The following BCL2 variants were observed in gnomAD, a reference collection of about 807,000 sequenced individuals.
BCL2 encodes apoptosis regulator Bcl-2.
Under a neutral mutation model 14.2 loss-of-function variants are expected in BCL2, and 1 was observed. That is an observed-to-expected ratio of 0.07 (90% CI 0.02 to 0.33). BCL2 has a LOEUF of 0.33. Ranked by LOEUF, BCL2 falls within the 10% of genes least tolerant of loss-of-function variation. The pLI, the probability that BCL2 is intolerant of heterozygous loss-of-function variation, is 0.99. For missense variants in BCL2, 247 were observed against 305.9 expected, an observed-to-expected ratio of 0.81 and a Z score of 1.44; for synonymous variants, 151 against 137.2, an observed-to-expected ratio of 1.10 and a Z score of -0.70.
intron 2 of BCL2, among the ~76,000 whole-genome samples, chr18:63,153,627 G>C (rs1914704684): frequency 2.0e-5 from 3 of 152,218 alleles, no homozygotes; most frequent in African/African-American, 7.2e-5. Context: ...CCTGGAAGTA[G>C]AGTTCTGGAG....
chr18:63,260,329 C>T (rs1280970044), intron 2 of BCL2, among the ~76,000 whole-genome samples: 2 of 152,176 alleles, frequency 1.3e-5, no homozygotes, highest in African/African-American at 4.8e-5. Context: ...AGCAACATAA[C>T]CAAAAACATG....
chr18:63,292,975 C>T (rs948427739), intron 2 of BCL2, among the ~76,000 whole-genome samples: 22 of 152,226 alleles, frequency 1.4e-4, no homozygotes, highest in Non-Finnish European at 2.6e-4. Flanking sequence ...CTGGTGGCCG[C>T]TGGACCCTCA....
intron 2 of BCL2, among the ~76,000 whole-genome samples, chr18:63,294,763 AT>A (rs1203143193): frequency 6.6e-6 from 1 of 152,226 alleles, no homozygotes; most frequent in Non-Finnish European, 1.5e-5. Flanking sequence ...GACAGGGAAA[AT>A]CCTTCTAAAC....
intron 2 of BCL2, among the ~76,000 whole-genome samples, chr18:63,184,420 G>A (rs1915545197): frequency 6.6e-6 from 1 of 152,202 alleles, no homozygotes; most frequent in Non-Finnish European, 1.5e-5. Context: ...CACCTATATA[G>A]TTGGCTTTTA....
At chr18:63,312,744 C>T (rs1297291517) in intron 2 of BCL2, among the ~76,000 whole-genome samples, 4 of 152,188 alleles carry the variant, frequency 2.6e-5, no homozygotes, top group African/African-American at 9.6e-5. Flanking sequence ...TTTTGGCATA[C>T]AAGAGTTATT....
chr18:63,228,866 G>C lies in BCL2; in HGVS notation c.585+89216C>G, dbSNP rs113062740. The stretch of plus-strand genomic sequence containing the variant: ...TGGGACTACAGGCATGTGCCACCAG[G>C]CTCAACTGGTTTTTTGTATTTTTAG... On this transcript the variant is annotated intron_variant, in intron 2 of 2. Transcript: ENST00000333681. 8.0e-3 allele frequency among the ~76,000 whole-genome samples: 1,211 copies of C among 152,294 alleles called. 9 individuals carry two copies. The highest frequency in any genetic ancestry group is 0.012 in the Non-Finnish European group (827 of 68,020).
At chr18:63,139,621 C>G (rs1914303408) in intron 2 of BCL2, among the ~76,000 whole-genome samples, 1 of 152,198 alleles carries the variant, frequency 6.6e-6, no homozygotes, top group Non-Finnish European at 1.5e-5. Flanking sequence ...GGCCCATGCT[C>G]CTGTCCTCAT....
At chr18:63,298,741 A>C (rs181727778) in intron 2 of BCL2, among the ~76,000 whole-genome samples, 111 of 152,324 alleles carry the variant, frequency 7.3e-4, no homozygotes, top group Non-Finnish European at 7.4e-5. Flanking sequence ...GCCAGGGAAA[A>C]GGCTGCGGAG....
intron 2 of BCL2, among the ~76,000 whole-genome samples, chr18:63,144,874 C>T (rs1914467363): frequency 6.6e-6 from 1 of 152,166 alleles, no homozygotes; most frequent in Non-Finnish European, 1.5e-5. Context: ...CCCCATCACC[C>T]CCGCCCCCGC....
chr18:63,212,366 A>C (rs905398622), intron 2 of BCL2, among the ~76,000 whole-genome samples: 4 of 151,428 alleles, frequency 2.6e-5, no homozygotes, highest in African/African-American at 9.7e-5. Flanking sequence ...AAAAACACAA[A>C]AAAACTCCAT....
At chr18:63,232,556 A>G (rs991354476) in intron 2 of BCL2, among the ~76,000 whole-genome samples, 1 of 152,260 alleles carries the variant, frequency 6.6e-6, no homozygotes, top group African/African-American at 2.4e-5. Flanking sequence ...ACATAACCTC[A>G]TAAGTAATCA....
intron 2 of BCL2, among the ~76,000 whole-genome samples, chr18:63,220,337 T>C (rs576428867): frequency 6.6e-6 from 1 of 152,336 alleles, no homozygotes; most frequent in East Asian, 1.9e-4. Flanking sequence ...TTATTACCAT[T>C]GCCCCCTTTC....
intron 2 of BCL2, among the ~76,000 whole-genome samples, chr18:63,292,512 T>C (rs1244290136): frequency 6.6e-6 from 1 of 152,202 alleles, no homozygotes; most frequent in East Asian, 1.9e-4. Context: ...CGTACCATGC[T>C]AGCTGGGATC....
Position 63,198,243 on chromosome 18 carries a change from T to C in BCL2, c.586-69484A>G, listed in dbSNP as rs1261936889. 4.4e-3 allele frequency among the ~76,000 whole-genome samples: 380 copies of C among 86,346 alleles called. 4 individuals carry two copies. The highest frequency in any genetic ancestry group is 0.014 in the African/African-American group (324 of 22,424). The allele number at this position is 86,346 out of a possible 152,430, so 56.6% of individuals were successfully genotyped here. On this transcript the variant is annotated intron_variant, in intron 2 of 2. Transcript: ENST00000333681. ...AAACACACACAGACACACACTGACA[T>C]AGAGACACACACACAGACACACACT... is the stretch of plus-strand genomic sequence containing the variant.
intron 2 of BCL2, chr18:63,207,992 A>G (rs1909888443): frequency 6.6e-6 from 1 of 152,228 alleles, no homozygotes. Context: ...ACACTCAACA[A>G]GAAGAATTGA....
chr18:63,216,869 T>G (rs1568236980), intron 2 of BCL2, among the ~76,000 whole-genome samples: 1 of 152,244 alleles, frequency 6.6e-6, no homozygotes, highest in Non-Finnish European at 1.5e-5. Context: ...TAGGATAAAT[T>G]AATTTAAAAG....
At chr18:63,142,376 C>G (rs940714077) in intron 2 of BCL2, among the ~76,000 whole-genome samples, 2 of 152,240 alleles carry the variant, frequency 1.3e-5, no homozygotes, top group African/African-American at 4.8e-5. Flanking sequence ...TTTCTGGAAG[C>G]TCCACACTGC....
rs17070680 is a variant in BCL2, at chr18:63,125,998, C to A, written c.*2627G>T. 21 of 215,664 alleles carry A rather than the reference C, an allele frequency of 9.7e-5. No homozygotes were observed. Among genetic ancestry groups the A allele is most frequent in the Non-Finnish European group, 1.6e-4 (17 of 106,672 alleles). 13.4% of individuals were successfully genotyped at this position (215,664 alleles called of 1,614,324 possible). Reference sequence around the variant, plus strand: ...ACAGGCTTTATATTAAAAACGTCCACGTTCTTCATTGTTACTTCTAAAGCA... The same window carrying A: ...ACAGGCTTTATATTAAAAACGTCCAAGTTCTTCATTGTTACTTCTAAAGCA... On this transcript the variant is annotated 3_prime_UTR_variant, in exon 3 of 3. Coordinates refer to ENST00000333681, the MANE Select transcript of BCL2 (RefSeq NM_000633.3).
At chr18:63,294,072 A>G (rs1269000521) in intron 2 of BCL2, among the ~76,000 whole-genome samples, 2 of 152,076 alleles carry the variant, frequency 1.3e-5, no homozygotes, top group Non-Finnish European at 2.9e-5. Flanking sequence ...TCAGCGCCTT[A>G]TTTTGTGATC....
Sources: allele counts gnomAD v4.1 joint callset (sites outside exome capture counted in the v4.1 genomes callset), GRCh38; gene constraint gnomAD v4.1.1; transcripts MANE v1.5; gene names NCBI Gene and HGNC (gene_info 2026-07-23, HGNC 2026-07-21).